RANBP17: variants seen among roughly 807,000 people sequenced by gnomAD.
The protein encoded by RANBP17 is RAN binding protein 17.
RANBP17 carries 158 observed loss-of-function variants against 141.2 expected under a neutral mutation model. That is an observed-to-expected ratio of 1.12 (90% CI 0.98 to 1.28). RANBP17 has a LOEUF of 1.28. Ranked by LOEUF, RANBP17 falls within the 50% of genes most tolerant of loss-of-function variation. The pLI, the probability that RANBP17 is intolerant of heterozygous loss-of-function variation, is 0.00. For synonymous variants in RANBP17, 430 were observed against 450.0 expected (o/e 0.96, Z 0.56); for missense variants, 1,438 against 1,290.7 (o/e 1.11, Z -1.75).
intron 14 of RANBP17, among the ~76,000 whole-genome samples, chr5:171,150,210 G>A (rs539638418): frequency 3.3e-5 from 5 of 151,938 alleles, no homozygotes; most frequent in Non-Finnish European, 7.4e-5. Flanking sequence ...TGTTTTTAGG[G>A]TATTCCCATT....
At chr5:170,872,451 G>T (rs1362581389) in intron 1 of RANBP17, among the ~76,000 whole-genome samples, 2 of 152,120 alleles carry the variant, frequency 1.3e-5, no homozygotes, top group Non-Finnish European at 2.9e-5. Context: ...GGATCATGTT[G>T]TCTGCAGAGA....
intron 14 of RANBP17, among the ~76,000 whole-genome samples, chr5:171,164,819 T>C (rs984350481): frequency 6.6e-6 from 1 of 152,376 alleles, no homozygotes; most frequent in Admixed American, 6.5e-5. Flanking sequence ...CATGAAATTT[T>C]GAAGCAGTTC....
intron 12 of RANBP17, among the ~76,000 whole-genome samples, chr5:170,938,594 C>T (rs1561910699): frequency 6.6e-6 from 1 of 152,070 alleles, no homozygotes; most frequent in Non-Finnish European, 1.5e-5. Flanking sequence ...CAAATGAGCA[C>T]ATAACAGGAG....
At chr5:170,907,201 A>C (rs1207124244) in intron 5 of RANBP17, among the ~76,000 whole-genome samples, 4 of 151,890 alleles carry the variant, frequency 2.6e-5, no homozygotes, top group African/African-American at 9.7e-5. Context: ...TAGAAGCTAG[A>C]GTTTCTGTTC....
At chr5:171,292,966 C>T (rs1048796111) in intron 25 of RANBP17, among the ~76,000 whole-genome samples, 3 of 152,230 alleles carry the variant, frequency 2.0e-5, no homozygotes, top group African/African-American at 7.2e-5. Context: ...CGTCTCACCT[C>T]TGGCCCACCT....
chr5:170,943,127 A>T (rs530511392), intron 12 of RANBP17, among the ~76,000 whole-genome samples: 2 of 152,306 alleles, frequency 1.3e-5, no homozygotes, highest in Admixed American at 1.3e-4. Flanking sequence ...GCTCAAAATG[A>T]TCATTTTATA....
intron 1 of RANBP17, among the ~76,000 whole-genome samples, chr5:170,865,354 C>T (rs1480046126): frequency 1.3e-5 from 2 of 152,108 alleles, no homozygotes; most frequent in African/African-American, 2.4e-5. Flanking sequence ...TGAGCCACCG[C>T]GCCCGGCCCT....
chr5:171,236,796 T>C (rs1486178731), intron 22 of RANBP17, among the ~76,000 whole-genome samples: 1 of 152,200 alleles, frequency 6.6e-6, no homozygotes, highest in Non-Finnish European at 1.5e-5. Flanking sequence ...AACTGTGAAG[T>C]ACACAAGTTA....
chr5:171,235,631 TCTCA>T (rs1238791049), intron 22 of RANBP17, among the ~76,000 whole-genome samples: 4 of 152,098 alleles, frequency 2.6e-5, no homozygotes, highest in African/African-American at 4.8e-5. Flanking sequence ...CAAGATGGGG[TCTCA>T]CTCTCATCCA....
chr5:170,950,176 A>G (rs1352667556), intron 12 of RANBP17, among the ~76,000 whole-genome samples: 1 of 152,124 alleles, frequency 6.6e-6, no homozygotes, highest in Non-Finnish European at 1.5e-5. Flanking sequence ...ACATTAATCT[A>G]TGCAAATATT....
chr5:171,018,295 A>C (rs1780597249), intron 14 of RANBP17, among the ~76,000 whole-genome samples: 1 of 152,198 alleles, frequency 6.6e-6, no homozygotes, highest in Admixed American at 6.5e-5. Flanking sequence ...TCTGTGAAAA[A>C]TGTCAATGGT....
At chr5:171,168,746 C>T (rs1211641157) in intron 14 of RANBP17, among the ~76,000 whole-genome samples, 2 of 152,182 alleles carry the variant, frequency 1.3e-5, no homozygotes, top group African/African-American at 4.8e-5. Flanking sequence ...GGCAAAGTCA[C>T]AGATATATAA....
intron 12 of RANBP17, among the ~76,000 whole-genome samples, chr5:170,938,941 GC>G (rs978002281): frequency 2.0e-5 from 3 of 152,042 alleles, no homozygotes; most frequent in Non-Finnish European, 4.4e-5. Flanking sequence ...AATACAGCAA[GC>G]CCAACATATA....
intron 14 of RANBP17, among the ~76,000 whole-genome samples, chr5:171,124,078 TAA>T (rs899897582): frequency 1.3e-5 from 2 of 151,882 alleles, no homozygotes; most frequent in African/African-American, 4.8e-5. Flanking sequence ...AAAATAATGA[TAA>T]GATACAAGAA....
chr5:170,906,789 T>C (rs1771108835), intron 5 of RANBP17, among the ~76,000 whole-genome samples: 1 of 151,942 alleles, frequency 6.6e-6, no homozygotes, highest in Non-Finnish European at 1.5e-5. Flanking sequence ...GATTTTTGTG[T>C]CCATTTGATA....
At chr5:171,200,020 C>T (rs1188425563) in intron 19 of RANBP17, among the ~76,000 whole-genome samples, 1 of 152,160 alleles carries the variant, frequency 6.6e-6, no homozygotes, top group Admixed American at 6.5e-5. Flanking sequence ...TTTCCTCTGG[C>T]AGTTACTATC....
At chr5:171,058,111 T>C (rs1441471086) in intron 14 of RANBP17, among the ~76,000 whole-genome samples, 1 of 152,110 alleles carries the variant, frequency 6.6e-6, no homozygotes, top group Non-Finnish European at 1.5e-5. Flanking sequence ...CCATCAAAAA[T>C]ATATGGCATT....
At chr5:171,193,110 G>T (rs369405661) in intron 18 of RANBP17, among the ~76,000 whole-genome samples, 2 of 152,194 alleles carry the variant, frequency 1.3e-5, no homozygotes, top group South Asian at 2.1e-4. Context: ...TATTTTCTTC[G>T]CCCAGTGCCT....
chr5:171,186,972 T>A (rs1761300603), intron 18 of RANBP17, among the ~76,000 whole-genome samples: 1 of 152,212 alleles, frequency 6.6e-6, no homozygotes, highest in Non-Finnish European at 1.5e-5. Context: ...GACCCAGCGT[T>A]TGACCTATTA....
Sources: gnomAD v4.1 joint callset for allele counts (sites outside exome capture counted in the v4.1 genomes callset) on GRCh38, gnomAD v4.1.1 for gene constraint, MANE v1.5 for transcripts, NCBI Gene and HGNC (gene_info 2026-07-23, HGNC 2026-07-21) for gene names.